Variants in KNG1 observed in about 807,000 individuals in gnomAD.
The protein encoded by KNG1 is kininogen 1.
KNG1 carries 23 observed loss-of-function variants against 47.8 expected under a neutral mutation model. That is an observed-to-expected ratio of 0.48 (90% confidence interval 0.35 to 0.68). The LOEUF (loss-of-function observed/expected upper bound fraction) is 0.68, where lower values mean the gene tolerates loss of function less well. KNG1 is among the 30% of genes least tolerant of loss of function. The pLI, the probability that KNG1 is intolerant of heterozygous loss-of-function variation, is 0.01. For synonymous variants in KNG1, 277 were observed against 277.0 expected (o/e 1.00, Z 0.00); for missense variants, 762 against 790.2 (o/e 0.96, Z 0.43).
At chr3:186,740,393 A>G (rs924180370) in intron 9 of KNG1, among the ~76,000 whole-genome samples, 1 of 152,170 alleles carries the variant, frequency 6.6e-6, no homozygotes, top group Non-Finnish European at 1.5e-5. Flanking sequence ...TTTCTATTTT[A>G]CAGAAAGGAA....
chr3:186,740,078 G>C (rs1213484174), intron 9 of KNG1, among the ~76,000 whole-genome samples: 1 of 151,596 alleles, frequency 6.6e-6, no homozygotes, highest in East Asian at 1.9e-4. Flanking sequence ...GAAAAATTCA[G>C]ACTCGCAAAC....
intron 4 of KNG1, among the ~76,000 whole-genome samples, chr3:186,725,586 C>G (rs1483356826): frequency 5.4e-5 from 6 of 111,682 alleles, no homozygotes; most frequent in Admixed American, 1.1e-4. Context: ...TCTCTGTCGC[C>G]CAGGCTGGAG....
At chr3:186,734,223 A>G (rs1720613934) in intron 7 of KNG1, among the ~76,000 whole-genome samples, 1 of 152,226 alleles carries the variant, frequency 6.6e-6, no homozygotes, top group South Asian at 2.1e-4. Flanking sequence ...GTCTTTATAT[A>G]CAATGATATT....
intron 1 of KNG1, chr3:186,717,972 C>A: frequency 2.4e-6 from 1 of 413,818 alleles, no homozygotes; most frequent in Non-Finnish European, 4.4e-6. Context: ...ACCCACCACC[C>A]ACCACCACCC....
chr3:186,733,420 C>G (rs889993274), intron 7 of KNG1, among the ~76,000 whole-genome samples: 1 of 152,152 alleles, frequency 6.6e-6, no homozygotes, highest in Admixed American at 6.5e-5. Flanking sequence ...CAAGGCTCCA[C>G]GCTTTCTTGC....
At position 186,742,974 on chromosome 3, in the gene KNG1, G is replaced by A. The variant is rs1720854264; in HGVS notation, c.*643G>A. 2.0e-6 allele frequency: 2 copies of A among 982,596 alleles called. No individual in the cohort carries two copies. The highest frequency in any genetic ancestry group is 3.5e-5 in the African/African-American group (2 of 57,144). The allele number at this position is 982,596 out of a possible 1,614,324, so 60.9% of individuals were successfully genotyped here. A position where few individuals can be genotyped will look rare whatever the true frequency, so the allele number is the denominator to read the frequency against. ...AGACAGGTTGGCCAAAGGGAGGAAA[G>A]GGGGGACATAAATTAATTGACTTTC... On this transcript the variant is annotated 3_prime_UTR_variant, in exon 10 of 10. Transcript: ENST00000644859.
chr3:186,731,523 T>C (rs367803758), intron 5 of KNG1, 22 bp from the exon 6 acceptor site: 2 of 1,503,968 alleles, frequency 1.3e-6, no homozygotes, highest in Non-Finnish European at 1.9e-6. Flanking sequence ...AACTGAGCAC[T>C]TATATGCTTT....
Position 186,742,119 on chromosome 3 carries a change from C to G in KNG1, c.1723C>G (p.Pro575Ala). 6.2e-7 allele frequency: 1 copy of G among 1,614,072 alleles called. No homozygotes were observed. Among genetic ancestry groups the G allele is most frequent in the Non-Finnish European group, 8.5e-7 (1 of 1,179,996 alleles). Residue 575 changes from proline (P) to alanine (A), a missense_variant, in exon 10 of 10, where the codon CCT becomes GCT. Pro to Ala is a conservative substitution (Grantham distance 27). Coordinates refer to ENST00000644859, the MANE Select transcript of KNG1 (RefSeq NM_001102416.3). ...DSDLIATMMP[P>A]ISPAPIQSDD... is the part of the protein sequence containing the mutation. Reference sequence around the variant, plus strand: ...TGATCTCATTGCAACTATGATGCCTCCTATATCACCAGCTCCCATACAGAG... The same window carrying G: ...TGATCTCATTGCAACTATGATGCCTGCTATATCACCAGCTCCCATACAGAG...
chr3:186,736,334 C>G lies in KNG1; in HGVS notation c.931-2765C>G, dbSNP rs892872103. 34 of 152,282 alleles carry G rather than the reference C, an allele frequency of 2.2e-4. 1 individual carries two copies. The highest frequency in any genetic ancestry group is 7.9e-4 in the African/African-American group (33 of 41,554). The allele number at this position is 152,282 out of a possible 1,614,324, so 9.4% of individuals were successfully genotyped here. ...ATCAATTAAACATATGATGAATTTG[C>G]TAAAAGCTAGTCTCCAAAATGACCA... On this transcript the variant is annotated intron_variant, in intron 7 of 9. Transcript: ENST00000644859.
chr3:186,743,840 A>G lies in KNG1; in HGVS notation c.*1509A>G. 8.3e-7 allele frequency: 1 copy of G among 1,207,800 alleles called. No individual in the cohort carries two copies. Among genetic ancestry groups the G allele is most frequent in the South Asian group, 1.2e-5 (1 of 82,692 alleles). 74.8% of individuals were successfully genotyped at this position (1,207,800 alleles called of 1,614,324 possible). ...ATAGCCCCAACCACCTCTGCCAGCA[A>G]CCTTGAGAGGAAGGACAAGAAGAAA... On this transcript the variant is annotated 3_prime_UTR_variant, in exon 10 of 10. Transcript: ENST00000644859.
At position 186,717,412 on chromosome 3, in the gene KNG1, T is replaced by C. The variant is rs5029974; in HGVS notation, c.-131T>C. 3.6e-4 allele frequency: 264 copies of C among 740,716 alleles called. No individual in the cohort carries two copies. In the African/African-American group the frequency reaches 4.3e-3, roughly 12 times the overall value. 45.9% of individuals were successfully genotyped at this position (740,716 alleles called of 1,614,324 possible). A position where few individuals can be genotyped will look rare whatever the true frequency, so the allele number is the denominator to read the frequency against. ...CGTCTGGCAGCAGGAATCCAACCAG[T>C]GCCCTGAGTTCTGAGGCAGAGAGGA... On this transcript the variant is annotated 5_prime_UTR_variant, in exon 1 of 10. Coordinates refer to ENST00000644859, the MANE Select transcript of KNG1 (RefSeq NM_001102416.3).
At position 186,732,602 on chromosome 3, in the gene KNG1, C is replaced by G; in HGVS notation, c.858C>G (p.Ile286Met). ...TGGAGGAGACACTGACTCACACCAT[C>G]ACAAAGCTTAATGCAGAGAATAACG... is the stretch of plus-strand genomic sequence containing the variant. ...PELEETLTHT[I>M]TKLNAENNAT... The change falls in exon 7 of 10, where the codon ATC becomes ATG. Residue 286 changes from isoleucine (I) to methionine (M), a missense_variant. Physicochemically the swap from Ile to Met is conservative, Grantham distance 10 (BLOSUM62 1). Transcript: ENST00000644859. 1 of 1,614,032 alleles carries G rather than the reference C, an allele frequency of 6.2e-7. No individual in the cohort carries two copies. The highest frequency in any genetic ancestry group is 8.5e-7 in the Non-Finnish European group (1 of 1,179,882).
At chr3:186,736,167 A>G (rs949662596) in intron 7 of KNG1, 25 of 152,224 alleles carry the variant, frequency 1.6e-4, no homozygotes, top group Admixed American at 1.6e-3. Context: ...ATAGCTGCCA[A>G]GTCAATCTGA....
intron 7 of KNG1, among the ~76,000 whole-genome samples, chr3:186,733,754 A>G (rs543199439): frequency 1.1e-3 from 163 of 152,324 alleles, no homozygotes; most frequent in Non-Finnish European, 1.6e-3. Flanking sequence ...AGATCACCTG[A>G]GGTCAGGAGT....
chr3:186,722,984 C>CAATCATAATAACATACTAACATATT lies in KNG1; in HGVS notation c.391+479_391+503dup, dbSNP rs534391382. On this transcript the variant is annotated intron_variant, in intron 3 of 9. Coordinates refer to ENST00000644859, the MANE Select transcript of KNG1 (RefSeq NM_001102416.3). ...AAATGAGATGATATGCCTGGAGGTA[C>CAATCATAATAACATACTAACATATT]AATCATAATAACATACTAACATATT... Among the ~76,000 whole-genome samples, 136 of 152,248 alleles carry CAATCATAATAACATACTAACATATT rather than the reference C, an allele frequency of 8.9e-4. 1 individual carries two copies. The highest frequency in any genetic ancestry group is 3.2e-3 in the African/African-American group (131 of 41,532).
At chr3:186,734,454 T>C in intron 7 of KNG1, among the ~76,000 whole-genome samples, 1 of 152,122 alleles carries the variant, frequency 6.6e-6, no homozygotes, top group East Asian at 1.9e-4. Flanking sequence ...TCAGTTGTGT[T>C]ATTTTAAAGT....
chr3:186,722,894 C>G (rs1198967327), intron 3 of KNG1, among the ~76,000 whole-genome samples: 4 of 152,166 alleles, frequency 2.6e-5, no homozygotes, highest in Non-Finnish European at 5.9e-5. Flanking sequence ...TCTTGCCTCT[C>G]CTTTTCCTTG....
intron 4 of KNG1, among the ~76,000 whole-genome samples, chr3:186,725,934 T>C (rs1370857542): frequency 6.7e-6 from 1 of 149,734 alleles, no homozygotes; most frequent in African/African-American, 2.5e-5. Flanking sequence ...AAAAAGTATA[T>C]ATCCGTAATT....
chr3:186,742,321 G>C lies in KNG1; in HGVS notation c.1925G>C (p.Gly642Ala), dbSNP rs5030087. Residue 642 changes from glycine (G) to alanine (A), a missense_variant, in exon 10 of 10, where the codon GGC becomes GCC. Transcript: ENST00000644859. The part of the protein sequence containing the change: ...KESYYFDLTD[G>A]LS ...TCTTATTATTTCGATCTCACTGATG[G>C]CCTTTCTTAATTTAAGTGGCTATGG... 57,113 of 1,613,786 alleles carry C rather than the reference G, an allele frequency of 0.035. 1,138 individuals are homozygous for C. The highest frequency in any genetic ancestry group is 0.067 in the African/African-American group (5,038 of 74,996).
Sources: allele counts gnomAD v4.1 joint callset (sites outside exome capture counted in the v4.1 genomes callset), GRCh38; gene constraint gnomAD v4.1.1; transcripts MANE v1.5; gene names NCBI Gene and HGNC (gene_info 2026-07-23, HGNC 2026-07-21).